KMT2B: variants seen among roughly 807,000 people sequenced by gnomAD.
KMT2B encodes lysine methyltransferase 2B.
In KMT2B, 22 loss-of-function variants were observed where a neutral mutation model predicts 255.3. The ratio of observed to expected loss-of-function variants is 0.09; its 90% CI spans 0.06 to 0.12. KMT2B has a LOEUF of 0.12. Ranked by LOEUF, KMT2B falls within the 10% of genes least tolerant of loss-of-function variation. The probability of loss-of-function intolerance (pLI) is 1.00; values close to 1 mark genes in which losing one functional copy is unlikely to be tolerated. For missense variants in KMT2B, 3,149 were observed against 3,737.0 expected (o/e 0.84, Z 4.10); for synonymous variants, 1,730 against 1,498.1 (o/e 1.15, Z -3.57).
At chr19:35,731,411 T>A (rs901975007) in intron 26 of KMT2B, among the ~76,000 whole-genome samples, 2 of 152,280 alleles carry the variant, frequency 1.3e-5, no homozygotes, top group East Asian at 3.9e-4. Flanking sequence ...GGAAGGGCTT[T>A]ATTCCAGGTT....
rs909482859 is a variant in KMT2B, at chr19:35,721,098, C to T, written c.1751C>T (p.Pro584Leu). 2.5e-6 allele frequency: 4 copies of T among 1,611,192 alleles called. No homozygotes were observed. The highest frequency in any genetic ancestry group is 3.4e-6 in the Non-Finnish European group (4 of 1,179,046). Residue 584 changes from proline (P) to leucine (L), a missense_variant, in exon 3 of 37, where the codon CCA becomes CTA. By Grantham distance (98) the Pro-to-Leu change is moderately conservative. Coordinates refer to ENST00000420124, the MANE Select transcript of KMT2B (RefSeq NM_014727.3). Reference protein sequence around the residue: ...PQEPAPVPSPPRAPTPPSTPV... With the variant: ...PQEPAPVPSPLRAPTPPSTPV... ...GAGCCAGCACCAGTCCCCTCTCCAC[C>T]ACGTGCCCCAACTCCTCCATCTACC...
rs760057357 is a variant in KMT2B, at chr19:35,736,908, C to A, written c.7298-4C>A. On this transcript the variant is annotated splice_region_variant and splice_polypyrimidine_tract_variant and intron_variant, in intron 31 of 36. Coordinates refer to ENST00000420124, the MANE Select transcript of KMT2B (RefSeq NM_014727.3). ...ACTCAGCTCTGGCTCTGCTGTCTCC[C>A]CAGGGGCGTGGAGAACTCTGATCGA... The A allele has an allele frequency of 1.9e-6, 3 of 1,613,812 alleles. No homozygotes were observed. The highest frequency in any genetic ancestry group is 2.7e-5 in the African/African-American group (2 of 74,904).
In KMT2B at chr19:35,725,706, G is replaced by C; in HGVS notation, c.3790-17G>C. The C allele has an allele frequency of 6.2e-7, 1 of 1,612,846 alleles. No homozygotes were observed. The highest frequency in any genetic ancestry group is 8.5e-7 in the Non-Finnish European group (1 of 1,179,430). ...TGTGCCAGCAGGTTTCGCCATCTCTGTCTCCACATCCAACAGCACCTCCTG... is the reference window on the plus strand; with the variant it reads ...TGTGCCAGCAGGTTTCGCCATCTCTCTCTCCACATCCAACAGCACCTCCTG... On this transcript the variant is annotated splice_polypyrimidine_tract_variant and intron_variant, in intron 12 of 36. Transcript: ENST00000420124. This position sits in a 1 kb window ranked among gnomAD's most constrained non-coding sequence, Gnocchi z 4.1.
At position 35,737,874 on chromosome 19, in the gene KMT2B, G is replaced by T; in HGVS notation, c.7674G>T (p.Leu2558=). ...CCCTCACCAGACGTGCCACCAGCCT[G>T]GAGCTGCCCATGGCCATGCGTTTTC... The part of the protein sequence containing the change: ...QLRSTRRATS[L]ELPMAMRFRH... Residue 2558 remains leucine (L), a synonymous_variant, in exon 35 of 37, where the codon CTG becomes CTT. Transcript: ENST00000420124. The surrounding 1 kb of genome is among the most constrained non-coding windows in gnomAD (Gnocchi z 5.3). 1 of 1,575,394 alleles carries T rather than the reference G, an allele frequency of 6.3e-7. No individual in the cohort carries two copies. Among genetic ancestry groups the T allele is most frequent in the East Asian group, 2.3e-5 (1 of 42,880 alleles).
chr19:35,738,037 G>C lies in KMT2B; in HGVS notation c.7743-25G>C. 1.9e-6 allele frequency: 3 copies of C among 1,613,796 alleles called. No homozygotes were observed. The highest frequency in any genetic ancestry group is 1.7e-6 in the Non-Finnish European group (2 of 1,179,808). Reference sequence around the variant, plus strand: ...TGGTTTCTGTCCCCCTCCCCCCTGAGTTCCCTGTTCATCCTGCCCTGCAGA... The same window carrying C: ...TGGTTTCTGTCCCCCTCCCCCCTGACTTCCCTGTTCATCCTGCCCTGCAGA... On this transcript the variant is annotated intron_variant, in intron 35 of 36. Coordinates refer to ENST00000420124, the MANE Select transcript of KMT2B (RefSeq NM_014727.3). The surrounding 1 kb of genome is among the most constrained non-coding windows in gnomAD (Gnocchi z 8.7).
In KMT2B at chr19:35,723,645, T is replaced by G. The variant is rs1351262306; in HGVS notation, c.3059-87T>G. 3.0e-6 allele frequency: 4 copies of G among 1,339,556 alleles called. No individual in the cohort carries two copies. The highest frequency in any genetic ancestry group is 1.5e-5 in the African/African-American group (1 of 67,834). 83.0% of individuals were successfully genotyped at this position (1,339,556 alleles called of 1,614,324 possible). A position where few individuals can be genotyped will look rare whatever the true frequency, so the allele number is the denominator to read the frequency against. On this transcript the variant is annotated intron_variant, in intron 7 of 36. Transcript: ENST00000420124. This position sits in a 1 kb window ranked among gnomAD's most constrained non-coding sequence, Gnocchi z 7.5. ...GTGCTTTCATAGCTCCTGCGTTCATTCCCTGCCCCGCTTCTTTCTGGCTTC... is the reference window on the plus strand; with the variant it reads ...GTGCTTTCATAGCTCCTGCGTTCATGCCCTGCCCCGCTTCTTTCTGGCTTC...
chr19:35,730,149 C>T (rs746035404), intron 23 of KMT2B, 24 bp downstream of exon 23: 13 of 1,612,766 alleles, frequency 8.1e-6, no homozygotes, highest in African/African-American at 4.0e-5. Context: ...GTGGGGTACA[C>T]GGTTCCTTCC....
Position 35,723,717 on chromosome 19 carries a change from C to A in KMT2B, c.3059-15C>A, listed in dbSNP as rs920110338. 1 of 1,518,796 alleles carries A rather than the reference C, an allele frequency of 6.6e-7. No homozygotes were observed. The highest frequency in any genetic ancestry group is 1.3e-5 in the South Asian group (1 of 76,720). 94.1% of individuals were successfully genotyped at this position (1,518,796 alleles called of 1,614,324 possible). Reference sequence around the variant, plus strand: ...TGGCTGAGCTCAAATCCTACTAAGTCCCCTGTTCCCGCAGGCCGGACGATA... The same window carrying A: ...TGGCTGAGCTCAAATCCTACTAAGTACCCTGTTCCCGCAGGCCGGACGATA... On this transcript the variant is annotated splice_polypyrimidine_tract_variant and intron_variant, in intron 7 of 36. Coordinates refer to ENST00000420124, the MANE Select transcript of KMT2B (RefSeq NM_014727.3). The surrounding 1 kb of genome is among the most constrained non-coding windows in gnomAD (Gnocchi z 7.5).
chr19:35,720,884 G>A lies in KMT2B; in HGVS notation c.1537G>A (p.Val513Met), dbSNP rs757967105. The A allele has an allele frequency of 1.9e-5, 31 of 1,598,910 alleles. No individual in the cohort carries two copies. In the South Asian group the frequency reaches 2.0e-4, roughly 11 times the overall value. The change falls in exon 3 of 37, where the codon GTG becomes ATG. Residue 513 changes from valine (V) to methionine (M), a missense_variant. This residue lies in a region of KMT2B where 1,188 missense variants were observed against 1,106.4 expected (regional missense o/e 1.07). Transcript: ENST00000420124. Reference sequence around the variant, plus strand: ...AGGCCCTCCGGAAGACAGTCCCACCGTGGCCCCCAAAAGCACCACCTTCCT... The same window carrying A: ...AGGCCCTCCGGAAGACAGTCCCACCATGGCCCCCAAAAGCACCACCTTCCT... ...TGGPPEDSPT[V>M]APKSTTFLKN...
Position 35,730,431 on chromosome 19 carries a change from G to C in KMT2B, c.5166G>C (p.Gly1722=), listed in dbSNP as rs758871231. Residue 1722 remains glycine, a synonymous_variant, in exon 24 of 37, where the codon GGG becomes GGC. Coordinates refer to ENST00000420124, the MANE Select transcript of KMT2B (RefSeq NM_014727.3). ...GINFKRKFLT[G]LEPDAINVLI... is the part of the protein sequence containing the mutation. ...ACTTCAAGCGGAAGTTCTTGACGGG[G>C]CTTGAACCCGATGCCATCAACGTGC... The C allele has an allele frequency of 1.9e-6, 3 of 1,613,732 alleles. No individual in the cohort carries two copies. The highest frequency in any genetic ancestry group is 2.5e-6 in the Non-Finnish European group (3 of 1,179,756).
Position 35,721,594 on chromosome 19 carries a change from GC to G in KMT2B, c.2251del (p.Gln751ArgfsTer38). The G allele has an allele frequency of 6.2e-7, 1 of 1,612,262 alleles. No homozygotes were observed. ...TGCAGGCCTTGCAAACCCAGCTCCTGCCCCAGGCACTACCGCCACCACAGCC... is the reference window on the plus strand; with the variant it reads ...TGCAGGCCTTGCAAACCCAGCTCCTGCCCAGGCACTACCGCCACCACAGCC... ...PLQALQTQLL[P>X]QALPPPQPQL... On this transcript the variant is annotated frameshift_variant, in exon 3 of 37. Coordinates refer to ENST00000420124, the MANE Select transcript of KMT2B (RefSeq NM_014727.3). LOFTEE classifies it high-confidence loss of function.
chr19:35,730,110 T>A lies in KMT2B; in HGVS notation c.5061T>A (p.Asp1687Glu). The change falls in exon 23 of 37, where the codon GAT becomes GAA. Residue 1687 changes from aspartate (D) to glutamate (E), a missense_variant. By Grantham distance (45) the Asp-to-Glu change is conservative (BLOSUM62 2). Coordinates refer to ENST00000420124, the MANE Select transcript of KMT2B (RefSeq NM_014727.3). ...AAGTCTTCTGCCAGAAACACACTGATCTCCTGGATGGCAAGGTGGGCCAGA... is the reference window on the plus strand; with the variant it reads ...AAGTCTTCTGCCAGAAACACACTGAACTCCTGGATGGCAAGGTGGGCCAGA... Reference protein sequence around the residue: ...DKKVFCQKHTDLLDGKEIVNP... With the variant: ...DKKVFCQKHTELLDGKEIVNP... The A allele has an allele frequency of 2.5e-6, 4 of 1,613,638 alleles. No individual in the cohort carries two copies. The highest frequency in any genetic ancestry group is 3.4e-6 in the Non-Finnish European group (4 of 1,179,774).
rs772724062 is a variant in KMT2B, at chr19:35,720,173, C to G, written c.826C>G (p.Pro276Ala). ...WKCKEGPGPGPGTPRRGGQSS... is the reference protein window; with the variant it reads ...WKCKEGPGPGAGTPRRGGQSS... Reference sequence around the variant, plus strand: ...ATGCAAGGAGGGGCCCGGTCCAGGACCTGGGACCCCCAGGCGTGGAGGACA... The same window carrying G: ...ATGCAAGGAGGGGCCCGGTCCAGGAGCTGGGACCCCCAGGCGTGGAGGACA... The change falls in exon 3 of 37, where the codon CCT becomes GCT. Residue 276 changes from proline to alanine, a missense_variant. Pro to Ala is a conservative substitution (Grantham distance 27). Transcript: ENST00000420124. 6.2e-7 allele frequency: 1 copy of G among 1,604,866 alleles called. No individual in the cohort carries two copies. Among genetic ancestry groups the G allele is most frequent in the East Asian group, 2.2e-5 (1 of 44,506 alleles).
intron 14 of KMT2B, among the ~76,000 whole-genome samples, chr19:35,726,829 C>A (rs1027946415): frequency 2.0e-5 from 3 of 151,944 alleles, no homozygotes; most frequent in Admixed American, 6.6e-5. Context: ...ACTACAAATA[C>A]AAAAATTAGC....
Position 35,722,482 on chromosome 19 carries a change from G to C in KMT2B, c.2571+10G>C. On this transcript the variant is annotated intron_variant, in intron 4 of 36. Transcript: ENST00000420124. ...GAGAGAGCGGCCCTCAGTATGCATC[G>C]GGAGGAGGGCCCTGAAGAAGACTGG... The C allele has an allele frequency of 6.2e-7, 1 of 1,605,786 alleles. No individual in the cohort carries two copies. The highest frequency in any genetic ancestry group is 1.1e-5 in the South Asian group (1 of 90,840).
intron 26 of KMT2B, among the ~76,000 whole-genome samples, chr19:35,731,696 G>A (rs1202555336): frequency 6.6e-6 from 1 of 152,178 alleles, no homozygotes; most frequent in East Asian, 1.9e-4. Context: ...AGGAGCGAGT[G>A]GGGAGAGGCC....
Position 35,718,384 on chromosome 19 carries a change from G to T in KMT2B, c.363+3G>T. The T allele has an allele frequency of 7.9e-7, 1 of 1,264,186 alleles. No individual in the cohort carries two copies. Among genetic ancestry groups the T allele is most frequent in the Non-Finnish European group, 1.0e-6 (1 of 997,180 alleles). The allele number at this position is 1,264,186 out of a possible 1,614,324, so 78.3% of individuals were successfully genotyped here. On this transcript the variant is annotated splice_donor_region_variant and intron_variant, in intron 1 of 36. Transcript: ENST00000420124. This position sits in a 1 kb window ranked among gnomAD's most constrained non-coding sequence, Gnocchi z 5.0. The stretch of plus-strand genomic sequence containing the variant: ...GTGACGGGGAATCCGACGAGGAGGT[G>T]AGGCGGTTGGAGGCGTCCCCGGCGC...
In KMT2B at chr19:35,733,329, G is replaced by T. The variant is rs1183244997; in HGVS notation, c.6780G>T (p.Leu2260=). ...CCCCGCCCCCGCCACCCCCTCCCCT[G>T]ACGCTGGTGCTGAGCAGTGGGCCAG... ...RPAPPPPPPP[L]TLVLSSGPAS... is the part of the protein sequence containing the mutation. The change falls in exon 28 of 37, where the codon CTG becomes CTT. Residue 2260 remains leucine, a synonymous_variant. Transcript: ENST00000420124. This position sits in a 1 kb window ranked among gnomAD's most constrained non-coding sequence, Gnocchi z 4.3. 7.7e-7 allele frequency: 1 copy of T among 1,302,008 alleles called. No individual in the cohort carries two copies. The highest frequency in any genetic ancestry group is 2.2e-5 in the Admixed American group (1 of 44,496). 80.7% of individuals were successfully genotyped at this position (1,302,008 alleles called of 1,614,324 possible). A position where few individuals can be genotyped will look rare whatever the true frequency, so the allele number is the denominator to read the frequency against.
chr19:35,737,830 G>C lies in KMT2B; in HGVS notation c.7659-29G>C. 2 of 1,555,810 alleles carry C rather than the reference G, an allele frequency of 1.3e-6. No individual in the cohort carries two copies. The highest frequency in any genetic ancestry group is 1.7e-6 in the Non-Finnish European group (2 of 1,148,938). On this transcript the variant is annotated intron_variant, in intron 34 of 36. Transcript: ENST00000420124. This position sits in a 1 kb window ranked among gnomAD's most constrained non-coding sequence, Gnocchi z 5.3. ...GTGAGAGAGGTCATTCTGAGCACCA[G>C]CCTGGGTGACACTGCTGTCCCTCAC...
Sources: gnomAD v4.1 joint callset for allele counts (sites outside exome capture counted in the v4.1 genomes callset) on GRCh38, gnomAD v4.1.1 for gene constraint, gnomAD v4.1.1 regional missense constraint, Gnocchi (gnomAD v3.1) non-coding constraint, MANE v1.5 for transcripts, NCBI Gene and HGNC (gene_info 2026-07-23, HGNC 2026-07-21) for gene names.